The following RFC3 variants were observed in gnomAD, a reference collection of about 807,000 sequenced individuals.
RFC3 encodes replication factor C subunit 3, also known as A1 38 kDa subunit.
In RFC3, 41 loss-of-function variants were observed where a neutral mutation model predicts 45.1. The observed-to-expected ratio is 0.91, with a 90% CI of 0.71 to 1.18. The LOEUF (loss-of-function observed/expected upper bound fraction) is 1.18, where lower values mean the gene tolerates loss of function less well. Among genes scored for constraint, RFC3 ranks in the 50% most tolerant of loss-of-function variants. The pLI, the probability that RFC3 is intolerant of heterozygous loss-of-function variation, is 0.00. For synonymous variants in RFC3, 149 were observed against 144.0 expected, an observed-to-expected ratio of 1.03 and a Z score of -0.25; for missense variants, 423 against 428.1, an observed-to-expected ratio of 0.99 and a Z score of 0.10.
intron 8 of RFC3, among the ~76,000 whole-genome samples, chr13:33,902,677 C>T (rs1446043410): frequency 6.6e-6 from 1 of 152,018 alleles, no homozygotes; most frequent in African/African-American, 2.4e-5. Context: ...CACTCTTCCC[C>T]GTCCAAGCCA....
intron 8 of RFC3, among the ~76,000 whole-genome samples, chr13:33,939,787 G>A (rs1275640148): frequency 3.3e-5 from 5 of 152,144 alleles, no homozygotes; most frequent in African/African-American, 1.2e-4. Context: ...TTGGATTGAA[G>A]TTTTGGACAC....
chr13:33,975,401 T>G, the RFC3 span, among the ~76,000 whole-genome samples: 5 of 152,246 alleles, frequency 3.3e-5, no homozygotes, highest in Non-Finnish European at 5.9e-5. Flanking sequence ...GGAAAAGAGT[T>G]GAGTACATGA....
intron 8 of RFC3, among the ~76,000 whole-genome samples, chr13:33,872,694 C>T (rs552647870): frequency 1.7e-4 from 26 of 151,834 alleles, no homozygotes; most frequent in African/African-American, 6.3e-4. Context: ...GATGGCACCA[C>T]TGTACTCCAG....
intron 8 of RFC3, among the ~76,000 whole-genome samples, chr13:33,949,966 A>G (rs1278473123): frequency 6.6e-6 from 1 of 152,018 alleles, no homozygotes; most frequent in Non-Finnish European, 1.5e-5. Flanking sequence ...GATTGAAACT[A>G]AACCAGGAGC....
chr13:33,925,562 A>G (rs1306817591), intron 8 of RFC3, among the ~76,000 whole-genome samples: 1 of 110,540 alleles, frequency 9.0e-6, no homozygotes, highest in East Asian at 2.1e-4. Context: ...ATACATACAT[A>G]GTGTACTATA....
chr13:33,841,754 T>C (rs1313696195), downstream of RFC3, among the ~76,000 whole-genome samples: 2 of 152,148 alleles, frequency 1.3e-5, no homozygotes, highest in East Asian at 3.8e-4. Flanking sequence ...TTCATGCTTG[T>C]TTGTAAACTT....
At position 33,881,344 on chromosome 13, in the gene RFC3, A is replaced by G. The variant is rs74837596; in HGVS notation, c.879+46127A>G. On this transcript the variant is annotated intron_variant, in intron 8 of 8. Coordinates refer to the RFC3 transcript ENST00000434425. ...AGAATATTCATTCGTTAGTTCAGCA[A>G]ACATCATTGGCGCTCTAAGTCCATG... is the stretch of plus-strand genomic sequence containing the variant. 2.3e-3 allele frequency among the ~76,000 whole-genome samples: 349 copies of G among 152,294 alleles called. 1 individual carries two copies. The highest frequency in any genetic ancestry group is 7.6e-3 in the African/African-American group (315 of 41,562).
chr13:33,886,417 G>A (rs567537599), intron 8 of RFC3, among the ~76,000 whole-genome samples: 2 of 151,904 alleles, frequency 1.3e-5, no homozygotes, highest in African/African-American at 2.4e-5. Flanking sequence ...GTGGTGGTGG[G>A]CACCTGTAGT....
chr13:33,894,378 C>T (rs957438354), intron 8 of RFC3, among the ~76,000 whole-genome samples: 4 of 152,140 alleles, frequency 2.6e-5, no homozygotes, highest in African/African-American at 7.2e-5. Flanking sequence ...GGAGGGAAGT[C>T]GTTCCTGATC....
chr13:33,834,329 T>TATATATATATATAC (rs1300798923), intron 7 of RFC3, among the ~76,000 whole-genome samples: 1 of 125,106 alleles, frequency 8.0e-6, no homozygotes. Context: ...TATATATATA[T>TATATATATATATAC]ATCTGTACTG....
chr13:33,863,962 A>G (rs567820935), intron 8 of RFC3, among the ~76,000 whole-genome samples: 40 of 152,142 alleles, frequency 2.6e-4, no homozygotes, highest in Non-Finnish European at 4.3e-4. Flanking sequence ...AAGACTGGAT[A>G]ATTTATAAGG....
intron 8 of RFC3, among the ~76,000 whole-genome samples, chr13:33,885,670 A>C (rs113144092): frequency 2.4e-4 from 36 of 152,242 alleles, no homozygotes; most frequent in Non-Finnish European, 3.7e-4. Flanking sequence ...AGAAAGTAAA[A>C]GGAAAAATAA....
At chr13:33,859,922 G>A (rs1377882318) in intron 8 of RFC3, among the ~76,000 whole-genome samples, 3 of 152,150 alleles carry the variant, frequency 2.0e-5, no homozygotes, top group Non-Finnish European at 4.4e-5. Context: ...CATGGAGATA[G>A]GGCCTTTCAG....
intron 8 of RFC3, chr13:33,966,022 A>G (rs1439709009): frequency 1.0e-5 from 12 of 1,162,690 alleles, no homozygotes; most frequent in Admixed American, 1.7e-5. Context: ...TGTATCCTCT[A>G]TGGAATCTCA....
intron 8 of RFC3, among the ~76,000 whole-genome samples, chr13:33,922,732 G>A (rs1283874972): frequency 6.6e-6 from 1 of 152,120 alleles, no homozygotes; most frequent in Non-Finnish European, 1.5e-5. Flanking sequence ...GCAGAGTTAA[G>A]TAGAGAGGCC....
intron 8 of RFC3, among the ~76,000 whole-genome samples, chr13:33,946,109 C>T (rs999274102): frequency 1.3e-5 from 2 of 152,168 alleles, no homozygotes; most frequent in East Asian, 1.9e-4. Flanking sequence ...TCTAAAATGG[C>T]CAATAGGAGA....
At chr13:33,953,712 C>T (rs183040972) in intron 8 of RFC3, among the ~76,000 whole-genome samples, 5 of 152,122 alleles carry the variant, frequency 3.3e-5, no homozygotes, top group Admixed American at 2.0e-4. Flanking sequence ...TGCAACAGGC[C>T]AGTTATATTT....
At chr13:33,927,106 C>A (rs2082818783) in intron 8 of RFC3, among the ~76,000 whole-genome samples, 1 of 151,914 alleles carries the variant, frequency 6.6e-6, no homozygotes, top group South Asian at 2.1e-4. Context: ...CAATCCTTGA[C>A]CTTCCCTGGC....
intron 8 of RFC3, among the ~76,000 whole-genome samples, chr13:33,878,176 C>G (rs2082460243): frequency 6.6e-6 from 1 of 152,074 alleles, no homozygotes; most frequent in Non-Finnish European, 1.5e-5. Context: ...GTTCCTGATC[C>G]CACTAGAACT....
Sources: allele counts gnomAD v4.1 joint callset (sites outside exome capture counted in the v4.1 genomes callset), GRCh38; gene constraint gnomAD v4.1.1; transcripts MANE v1.5; gene names NCBI Gene and HGNC (gene_info 2026-07-23, HGNC 2026-07-21).